Variants in ADAMTS7 observed in about 807,000 individuals in gnomAD.
The protein encoded by ADAMTS7 is ADAM metallopeptidase with thrombospondin type 1 motif 7, also known as A disintegrin and metalloproteinase with thrombospondin motifs 7.
Under a neutral mutation model 172.6 loss-of-function variants are expected in ADAMTS7, and 89 were observed. That is an observed-to-expected ratio of 0.52 (90% CI 0.43 to 0.61). The LOEUF is 0.61. Among genes scored for constraint, ADAMTS7 ranks in the 20% least tolerant of loss-of-function variants. The pLI, the probability that ADAMTS7 is intolerant of heterozygous loss-of-function variation, is 0.00. For synonymous variants in ADAMTS7, 885 were observed against 978.4 expected (o/e 0.90, Z 1.78); for missense variants, 1,973 against 2,355.6 (o/e 0.84, Z 3.36).
chr15:78,777,443 C>T lies in ADAMTS7; in HGVS notation c.1467+1G>A. On this transcript the variant is annotated splice_donor_variant, in intron 9 of 23. Transcript: ENST00000388820. LOFTEE classifies it high-confidence loss of function. Reference sequence around the variant, plus strand: ...CCCACACCCACACCGGCCCCACTCACATCCATGTCCTCGCAGAAGGCAGAG... The same window carrying T: ...CCCACACCCACACCGGCCCCACTCATATCCATGTCCTCGCAGAAGGCAGAG... 1 of 1,612,154 alleles carries T rather than the reference C, an allele frequency of 6.2e-7. No homozygotes were observed. Among genetic ancestry groups the T allele is most frequent in the East Asian group, 2.2e-5 (1 of 44,840 alleles).
Position 78,762,573 on chromosome 15 carries a change from G to A in ADAMTS7, c.4741-8C>T, listed in dbSNP as rs2055063861. The A allele has an allele frequency of 6.8e-7, 1 of 1,464,774 alleles. No individual in the cohort carries two copies. The highest frequency in any genetic ancestry group is 9.1e-7 in the Non-Finnish European group (1 of 1,098,630). 90.7% of individuals were successfully genotyped at this position (1,464,774 alleles called of 1,614,324 possible). On this transcript the variant is annotated splice_region_variant and splice_polypyrimidine_tract_variant and intron_variant, in intron 22 of 23. Transcript: ENST00000388820. ...ACCACAGGGGCCTGAGCACTGAGGG[G>A]AGCGGGGGAGGAATGAGTGTCTCCA...
chr15:78,774,059 C>T, intron 13 of ADAMTS7, 108 bp downstream of exon 13: 2 of 1,508,374 alleles, frequency 1.3e-6, no homozygotes, highest in Non-Finnish European at 1.8e-6. Context: ...AACCTGGGGC[C>T]CGCCATGGCC....
chr15:78,797,724 G>A lies in ADAMTS7; in HGVS notation c.622+224C>T, dbSNP rs113997828. Among the ~76,000 whole-genome samples, 1,070 of 152,346 alleles carry A rather than the reference G, an allele frequency of 7.0e-3. 11 individuals are homozygous for A. Among genetic ancestry groups the A allele is most frequent in the African/African-American group, 0.024 (1,006 of 41,570 alleles). Reference sequence around the variant, plus strand: ...GGGAGAAGTAGGTGAGATGGAGCGAGGAAGGTCAGTCTAGGGGATTGACTG... The same window carrying A: ...GGGAGAAGTAGGTGAGATGGAGCGAAGAAGGTCAGTCTAGGGGATTGACTG... On this transcript the variant is annotated intron_variant, in intron 3 of 23. Transcript: ENST00000388820.
At position 78,771,359 on chromosome 15, in the gene ADAMTS7, C is replaced by A; in HGVS notation, c.2377-56G>T. 1 of 1,610,660 alleles carries A rather than the reference C, an allele frequency of 6.2e-7. No individual in the cohort carries two copies. The highest frequency in any genetic ancestry group is 1.1e-5 in the South Asian group (1 of 90,554). The stretch of plus-strand genomic sequence containing the variant: ...AAGGTGTCTTCTCCATCCACCCAGT[C>A]CTAAAGGAGCTGACCCCAGCCACCT... On this transcript the variant is annotated intron_variant, in intron 15 of 23. Coordinates refer to ENST00000388820, the MANE Select transcript of ADAMTS7 (RefSeq NM_014272.5). The surrounding 1 kb of genome is among the most constrained non-coding windows in gnomAD (Gnocchi z 4.9).
At chr15:78,800,757 T>C (rs773935249) in intron 1 of ADAMTS7, among the ~76,000 whole-genome samples, 1 of 152,190 alleles carries the variant, frequency 6.6e-6, no homozygotes, top group Non-Finnish European at 1.5e-5. Flanking sequence ...TCTTTTGTTG[T>C]TATTGTTGTG....
At position 78,762,478 on chromosome 15, in the gene ADAMTS7, G is replaced by T. The variant is rs769236415; in HGVS notation, c.4828C>A (p.Gln1610Lys). 1.3e-6 allele frequency: 2 copies of T among 1,588,292 alleles called. No homozygotes were observed. Among genetic ancestry groups the T allele is most frequent in the Admixed American group, 3.5e-5 (2 of 57,542 alleles). Residue 1610 changes from glutamine (Q) to lysine (K), a missense_variant, in exon 23 of 24, where the codon CAG becomes AAG. This residue lies in a region of ADAMTS7 where 42 missense variants were observed against 78.3 expected (regional missense o/e 0.54). Coordinates refer to ENST00000388820, the MANE Select transcript of ADAMTS7 (RefSeq NM_014272.5). ...QTGLPEEDSDQCGHEAWPESS... is the reference protein window; with the variant it reads ...QTGLPEEDSDKCGHEAWPESS... ...TCAGGCCAGGCCTCGTGGCCACACT[G>T]GTCACTGTCTTCCTCGGGCAGCCCT...
At chr15:78,786,131 T>C (rs1160988135) in intron 8 of ADAMTS7, among the ~76,000 whole-genome samples, 1 of 151,608 alleles carries the variant, frequency 6.6e-6, no homozygotes. Flanking sequence ...GGTTTCACCA[T>C]GTTGGCCAGG....
chr15:78,787,965 G>C (rs1567229457), intron 8 of ADAMTS7, among the ~76,000 whole-genome samples: 1 of 151,998 alleles, frequency 6.6e-6, no homozygotes, highest in African/African-American at 2.4e-5. Context: ...GTGAATTCTT[G>C]CTCCTCCTCC....
chr15:78,762,974 G>C (rs2055073322), intron 22 of ADAMTS7, among the ~76,000 whole-genome samples: 2 of 152,224 alleles, frequency 1.3e-5, no homozygotes, highest in Non-Finnish European at 2.9e-5. Flanking sequence ...CCATGGGCAG[G>C]AGGGCAGGAG....
chr15:78,761,913 T>C, intron 23 of ADAMTS7: 1 of 985,256 alleles, frequency 1.0e-6, no homozygotes, highest in Non-Finnish European at 1.2e-6. Flanking sequence ...CAAACCCCAT[T>C]ACCTCATTAG....
In ADAMTS7 at chr15:78,767,452, C is replaced by T. The variant is rs770271729; in HGVS notation, c.2786G>A (p.Arg929Gln). The change falls in exon 18 of 24, where the codon CGG becomes CAG. Residue 929 changes from arginine (R) to glutamine (Q), a missense_variant. By Grantham distance (43) the Arg-to-Gln change is conservative. This residue lies in a region of ADAMTS7 where 771 missense variants were observed against 952.6 expected (regional missense o/e 0.81). Transcript: ENST00000388820. ...LEPPACEHLP[R>Q]PPTETPCNRH... ...GTTGCAAGGGGTTTCAGTAGGGGGC[C>T]GGGGAAGGTGTTCACAGGCGGGTGG... The T allele has an allele frequency of 1.7e-5, 27 of 1,611,678 alleles. No individual in the cohort carries two copies. The African/African-American group carries it at 2.5e-4, about 15-fold the overall frequency.
chr15:78,783,489 G>C (rs529188586), intron 8 of ADAMTS7, among the ~76,000 whole-genome samples: 6 of 151,982 alleles, frequency 3.9e-5, no homozygotes, highest in Admixed American at 6.6e-5. Flanking sequence ...TGTTGGCCAG[G>C]CTGGTCTCAA....
At position 78,787,011 on chromosome 15, in the gene ADAMTS7, G is replaced by A. The variant is rs543403588; in HGVS notation, c.1322+1220C>T. Among the ~76,000 whole-genome samples the A allele has an allele frequency of 4.6e-5, 7 of 152,168 alleles. No individual in the cohort carries two copies. In the South Asian group the frequency reaches 1.5e-3, roughly 32 times the overall value. On this transcript the variant is annotated intron_variant, in intron 8 of 23. Coordinates refer to ENST00000388820, the MANE Select transcript of ADAMTS7 (RefSeq NM_014272.5). ...AGTGAACATATTTTCTCTTCCTTAT[G>A]ATTTCAATAACATTTGCTTTTCTCT...
chr15:78,793,914 C>T (rs747888988), intron 4 of ADAMTS7, among the ~76,000 whole-genome samples: 2 of 152,178 alleles, frequency 1.3e-5, no homozygotes, highest in Non-Finnish European at 2.9e-5. Flanking sequence ...TTACTAGCTG[C>T]GTGACCTTGA....
chr15:78,797,890 GC>G (rs1475720296), intron 3 of ADAMTS7, 57 bp downstream of exon 3: 2 of 1,550,716 alleles, frequency 1.3e-6, no homozygotes, highest in African/African-American at 2.8e-5. Flanking sequence ...TTCTAGAAAG[GC>G]CCCTTCATGT....
chr15:78,768,489 G>C lies in ADAMTS7; in HGVS notation c.2519-230C>G, dbSNP rs558774598. ...TAGCCTCCCCTCTGACTGGAGGGGT[G>C]GCAGAGTGTGGATGTTTAGTGGGTT... On this transcript the variant is annotated intron_variant, in intron 16 of 23. Coordinates refer to ENST00000388820, the MANE Select transcript of ADAMTS7 (RefSeq NM_014272.5). 3.3e-5 allele frequency among the ~76,000 whole-genome samples: 5 copies of C among 152,296 alleles called. No homozygotes were observed. The South Asian group carries it at 8.3e-4, about 25-fold the overall frequency.
intron 1 of ADAMTS7, 32 bp from the exon 2 acceptor site, chr15:78,800,579 C>T (rs1259014317): frequency 6.4e-7 from 1 of 1,557,406 alleles, no homozygotes; most frequent in Middle Eastern, 1.7e-4. Context: ...CGCCTAGGCC[C>T]AGGGCAGACC....
Position 78,796,708 on chromosome 15 carries a change from T to C in ADAMTS7, c.701A>G (p.His234Arg). ...QWRRPRLRRL[H>R]QRSVSKEKWV... is the part of the protein sequence containing the mutation. ...CTTCTCTTTGCTGACCGACCGCTGG[T>C]GTAGACGCCTCAGCCGTGGCCGCCG... The change falls in exon 4 of 24, where the codon CAC becomes CGC. Residue 234 changes from histidine to arginine, a missense_variant. Physicochemically the swap from His to Arg is conservative, Grantham distance 29. Around this residue, in one of 8 missense-constraint regions of ADAMTS7, gnomAD observed 526 missense variants for 662.9 expected, o/e 0.79. Coordinates refer to ENST00000388820, the MANE Select transcript of ADAMTS7 (RefSeq NM_014272.5). 6.2e-7 allele frequency: 1 copy of C among 1,613,468 alleles called. No homozygotes were observed. Among genetic ancestry groups the C allele is most frequent in the Non-Finnish European group, 8.5e-7 (1 of 1,179,932 alleles).
At chr15:78,778,231 G>A (rs1259921844) in intron 8 of ADAMTS7, among the ~76,000 whole-genome samples, 13 of 152,206 alleles carry the variant, frequency 8.5e-5, no homozygotes, top group Admixed American at 7.9e-4. Context: ...ACAAGCAGGC[G>A]CCATCTGTGT....
Sources: gnomAD v4.1 joint callset for allele counts (sites outside exome capture counted in the v4.1 genomes callset) on GRCh38, gnomAD v4.1.1 for gene constraint, gnomAD v4.1.1 regional missense constraint, Gnocchi (gnomAD v3.1) non-coding constraint, MANE v1.5 for transcripts, NCBI Gene and HGNC (gene_info 2026-07-23, HGNC 2026-07-21) for gene names.